ARHGEF28: variants seen among roughly 807,000 people sequenced by gnomAD.
ARHGEF28 encodes Rho guanine nucleotide exchange factor 28, also known as 190 kDa guanine nucleotide exchange factor.
In ARHGEF28, 152 loss-of-function variants were observed where a neutral mutation model predicts 206.6. The observed-to-expected ratio is 0.74, with a 90% CI of 0.64 to 0.84. The LOEUF is 0.84. ARHGEF28 is among the 40% of genes least tolerant of loss of function. The pLI is 0.00. For synonymous variants in ARHGEF28, 763 were observed against 776.4 expected, an observed-to-expected ratio of 0.98 and a Z score of 0.29; for missense variants, 2,028 against 2,073.2, an observed-to-expected ratio of 0.98 and a Z score of 0.42.
rs576819673 is a variant in ARHGEF28, at chr5:73,803,018, C to T, written c.1024+7627C>T. 7.3e-5 allele frequency among the ~76,000 whole-genome samples: 11 copies of T among 151,040 alleles called. No individual in the cohort carries two copies. The South Asian group carries it at 2.3e-3, about 32-fold the overall frequency. ...TGGTTAGCTTTTATGCCAGGCAGCACAAGTTCTAACAATTTATTGGTACAA... is the reference window on the plus strand; with the variant it reads ...TGGTTAGCTTTTATGCCAGGCAGCATAAGTTCTAACAATTTATTGGTACAA... On this transcript the variant is annotated intron_variant, in intron 9 of 35. Transcript: ENST00000513042.
At chr5:73,839,127 T>G (rs1757831551) in intron 10 of ARHGEF28, among the ~76,000 whole-genome samples, 1 of 152,196 alleles carries the variant, frequency 6.6e-6, no homozygotes, top group South Asian at 2.1e-4. Context: ...ACGGAAGTGA[T>G]GATGGGTGCT....
At chr5:73,701,127 A>G (rs1748572024) in intron 2 of ARHGEF28, among the ~76,000 whole-genome samples, 1 of 152,212 alleles carries the variant, frequency 6.6e-6, no homozygotes, top group Admixed American at 6.5e-5. Flanking sequence ...TGTCCTCTTT[A>G]ATAAAACCCA....
At chr5:73,827,921 A>C (rs1473833476) in intron 9 of ARHGEF28, 1 of 152,148 alleles carries the variant, frequency 6.6e-6, no homozygotes, top group Non-Finnish European at 1.5e-5. Context: ...TTTTCACTTA[A>C]TTTGTTACTG....
chr5:73,804,605 T>C (rs1447448814), intron 9 of ARHGEF28, among the ~76,000 whole-genome samples: 2 of 152,338 alleles, frequency 1.3e-5, no homozygotes, highest in East Asian at 3.9e-4. Context: ...TTTACCTGAT[T>C]TCCGTTTTCT....
chr5:73,908,130 C>T (rs1024546685), intron 33 of ARHGEF28, among the ~76,000 whole-genome samples: 10 of 152,120 alleles, frequency 6.6e-5, no homozygotes, highest in Admixed American at 5.9e-4. Flanking sequence ...TTTATAACAA[C>T]TCCCAAAAGC....
At chr5:73,660,904 C>A (rs1745556392) in intron 1 of ARHGEF28, among the ~76,000 whole-genome samples, 1 of 152,134 alleles carries the variant, frequency 6.6e-6, no homozygotes, top group African/African-American at 2.4e-5. Context: ...TAGCATACTT[C>A]CTAAGGGCCC....
intron 1 of ARHGEF28, among the ~76,000 whole-genome samples, chr5:73,642,732 C>T (rs560552729): frequency 9.9e-5 from 15 of 152,044 alleles, no homozygotes; most frequent in Non-Finnish European, 1.5e-5. Context: ...TCCCAGGGTA[C>T]AGACAGTAAG....
chr5:73,821,326 A>G (rs1245178559), intron 9 of ARHGEF28, among the ~76,000 whole-genome samples: 1 of 152,176 alleles, frequency 6.6e-6, no homozygotes, highest in Non-Finnish European at 1.5e-5. Flanking sequence ...GGGAAAAAAC[A>G]TACATTTCCA....
intron 1 of ARHGEF28, among the ~76,000 whole-genome samples, chr5:73,665,273 G>A (rs1217245913): frequency 6.6e-6 from 1 of 152,102 alleles, no homozygotes; most frequent in Non-Finnish European, 1.5e-5. Flanking sequence ...ATATCATTGA[G>A]GTACAGAAAA....
chr5:73,776,549 A>G lies in ARHGEF28; in HGVS notation c.693A>G (p.Arg231=). ...FQGRWSPSFS[R]VQLSEEASLH... is the part of the protein sequence containing the mutation. ...GCAGATGGTCCCCAAGCTTCTCCCGAGTGCAGCTCAGTGAAGAAGCCTCCT... is the reference window on the plus strand; with the variant it reads ...GCAGATGGTCCCCAAGCTTCTCCCGGGTGCAGCTCAGTGAAGAAGCCTCCT... Residue 231 remains arginine, a synonymous_variant, in exon 6 of 36, where the codon CGA becomes CGG. Coordinates refer to ENST00000513042, the MANE Select transcript of ARHGEF28 (RefSeq NM_001177693.2). The G allele has an allele frequency of 6.2e-7, 1 of 1,612,974 alleles. No homozygotes were observed. The highest frequency in any genetic ancestry group is 8.5e-7 in the Non-Finnish European group (1 of 1,179,196).
chr5:73,836,897 G>A (rs79075410), intron 10 of ARHGEF28, among the ~76,000 whole-genome samples: 4,041 of 152,090 alleles, frequency 0.027, 189 homozygotes, highest in African/African-American at 0.089. Context: ...AGTTTTCCTA[G>A]TATCATTATT....
chr5:73,678,880 T>C, intron 1 of ARHGEF28, among the ~76,000 whole-genome samples: 1 of 152,132 alleles, frequency 6.6e-6, no homozygotes, highest in Non-Finnish European at 1.5e-5. Context: ...ACTGTAACAA[T>C]GTATATATAT....
intron 10 of ARHGEF28, among the ~76,000 whole-genome samples, chr5:73,833,537 G>C (rs1010765556): frequency 6.6e-6 from 1 of 151,944 alleles, no homozygotes; most frequent in Non-Finnish European, 1.5e-5. Flanking sequence ...TAGTTGTTTT[G>C]GTATAAACTA....
At chr5:73,693,233 T>A (rs1747957918) in intron 2 of ARHGEF28, among the ~76,000 whole-genome samples, 1 of 152,202 alleles carries the variant, frequency 6.6e-6, no homozygotes, top group South Asian at 2.1e-4. Flanking sequence ...CTGCCACATC[T>A]CCATTTCCTC....
intron 1 of ARHGEF28, among the ~76,000 whole-genome samples, chr5:73,660,997 G>C (rs1745562978): frequency 6.6e-6 from 1 of 152,214 alleles, no homozygotes; most frequent in South Asian, 2.1e-4. Flanking sequence ...GAGTCAGCCT[G>C]TCCTTTGAAG....
chr5:73,786,214 C>T (rs1345124497), intron 7 of ARHGEF28: 1 of 152,220 alleles, frequency 6.6e-6, no homozygotes. Context: ...ACTCATGGAG[C>T]ACTCATACCT....
chr5:73,777,984 C>CA (rs1368707926), intron 6 of ARHGEF28: 1 of 152,274 alleles, frequency 6.6e-6, no homozygotes, highest in African/African-American at 2.4e-5. Flanking sequence ...GAGGCTGAGG[C>CA]AGGAGAATTG....
chr5:73,852,539 T>G (rs2112601057), intron 13 of ARHGEF28, 111 bp from the exon 14 acceptor site: 1 of 886,196 alleles, frequency 1.1e-6, no homozygotes, highest in South Asian at 1.5e-5. Flanking sequence ...CATTATTTTC[T>G]AGCTGGTAGT....
intron 2 of ARHGEF28, among the ~76,000 whole-genome samples, chr5:73,706,774 G>A (rs898945073): frequency 6.6e-6 from 1 of 152,222 alleles, no homozygotes; most frequent in African/African-American, 2.4e-5. Context: ...AGGTCAAGAT[G>A]CTGCCAGCGG....
Sources: gnomAD v4.1 joint callset for allele counts (sites outside exome capture counted in the v4.1 genomes callset) on GRCh38, gnomAD v4.1.1 for gene constraint, MANE v1.5 for transcripts, NCBI Gene and HGNC (gene_info 2026-07-23, HGNC 2026-07-21) for gene names.